The following SMC5 variants were observed in gnomAD, a reference collection of about 807,000 sequenced individuals.
SMC5 encodes the protein structural maintenance of chromosomes 5, also known as structural maintenance of chromosomes protein 5.
Under a neutral mutation model 148.3 loss-of-function variants are expected in SMC5, and 88 were observed. The ratio of observed to expected loss-of-function variants is 0.59; its 90% CI spans 0.50 to 0.71. The LOEUF is 0.71. SMC5 is among the 30% of genes least tolerant of loss of function. The pLI, the probability that SMC5 is intolerant of heterozygous loss-of-function variation, is 0.00. For synonymous variants in SMC5, 421 were observed against 432.8 expected, an observed-to-expected ratio of 0.97 and a Z score of 0.34; for missense variants, 1,142 against 1,298.9, an observed-to-expected ratio of 0.88 and a Z score of 1.86.
intron 17 of SMC5, among the ~76,000 whole-genome samples, chr9:70,338,904 C>A (rs757552157): frequency 3.0e-4 from 45 of 152,002 alleles, no homozygotes; most frequent in Non-Finnish European, 5.3e-4. Flanking sequence ...ACCTATAGTT[C>A]CAACTACTTT....
intron 1 of SMC5, among the ~76,000 whole-genome samples, chr9:70,260,359 G>A (rs763074658): frequency 5.9e-5 from 9 of 151,912 alleles, no homozygotes; most frequent in Non-Finnish European, 8.8e-5. Context: ...TGCCCGCCTC[G>A]GCCTCCCGTA....
At chr9:70,302,605 G>A (rs558610617) in intron 10 of SMC5, among the ~76,000 whole-genome samples, 67 of 152,188 alleles carry the variant, frequency 4.4e-4, no homozygotes, top group South Asian at 1.7e-3. Flanking sequence ...GGGATGTGGA[G>A]GTTGCAGTTA....
At chr9:70,263,188 T>C (rs1048665294) in intron 1 of SMC5, among the ~76,000 whole-genome samples, 2 of 152,194 alleles carry the variant, frequency 1.3e-5, no homozygotes, top group South Asian at 2.1e-4. Flanking sequence ...TTCCTACATG[T>C]CTGAAGTTCC....
At chr9:70,267,338 C>T (rs1191018472) in intron 2 of SMC5, among the ~76,000 whole-genome samples, 1 of 152,098 alleles carries the variant, frequency 6.6e-6, no homozygotes, top group East Asian at 1.9e-4. Flanking sequence ...GACTTAGACT[C>T]ATAAGCATAT....
At chr9:70,317,965 G>GGTAT (rs58704591) in intron 13 of SMC5, among the ~76,000 whole-genome samples, 13,678 of 152,100 alleles carry the variant, frequency 0.09, 907 homozygotes, top group African/African-American at 0.19. Flanking sequence ...CTTCTCTCCT[G>GGTAT]CTATCTCTTC....
rs1200775147 is a variant in SMC5, at chr9:70,259,043, G to A, written c.-36G>A. 1.3e-6 allele frequency: 2 copies of A among 1,570,370 alleles called. No homozygotes were observed. The highest frequency in any genetic ancestry group is 1.7e-6 in the Non-Finnish European group (2 of 1,156,664). ...GGGCGCCTGGGCTGCCGGACGGTGG[G>A]AACGGAAGTCGCTGTGGGACGCTGA... On this transcript the variant is annotated 5_prime_UTR_variant, in exon 1 of 25. Coordinates refer to ENST00000361138, the MANE Select transcript of SMC5 (RefSeq NM_015110.4).
intron 6 of SMC5, 119 bp from the exon 7 acceptor site, chr9:70,282,303 C>A (rs1386246506): frequency 2.0e-6 from 2 of 1,015,048 alleles, no homozygotes; most frequent in Non-Finnish European, 2.8e-6. Flanking sequence ...CATTAATAAA[C>A]CTGTTTTGAT....
intron 6 of SMC5, among the ~76,000 whole-genome samples, chr9:70,281,878 A>G (rs1371398531): frequency 6.7e-6 from 1 of 149,282 alleles, no homozygotes; most frequent in Admixed American, 6.7e-5. Flanking sequence ...ATGTACTTAT[A>G]TGTTTATTTT....
intron 17 of SMC5, among the ~76,000 whole-genome samples, chr9:70,332,823 C>T (rs907473904): frequency 5.9e-5 from 9 of 151,286 alleles, no homozygotes; most frequent in African/African-American, 7.3e-5. Flanking sequence ...ATTAACAGAC[C>T]GAAACTGAAA....
At chr9:70,289,626 C>A (rs1554691541) in intron 8 of SMC5, among the ~76,000 whole-genome samples, 1 of 151,880 alleles carries the variant, frequency 6.6e-6, no homozygotes, top group Non-Finnish European at 1.5e-5. Flanking sequence ...GATTCCTCCT[C>A]TCTTTCTATT....
rs531374821 is a variant in SMC5, at chr9:70,341,953, G to A, written c.2398-2191G>A. Among the ~76,000 whole-genome samples the A allele has an allele frequency of 3.6e-3, 544 of 149,138 alleles. 3 individuals carry two copies. The highest frequency in any genetic ancestry group is 0.013 in the African/African-American group (503 of 40,210). On this transcript the variant is annotated intron_variant, in intron 17 of 24. Transcript: ENST00000361138. The stretch of plus-strand genomic sequence containing the variant: ...ACACATGCACACGTATATTTATTGC[G>A]GCACTATTCACAATAGCAAAGACTT...
intron 6 of SMC5, 30 bp from the exon 7 acceptor site, chr9:70,282,392 T>A (rs768391953): frequency 6.4e-7 from 1 of 1,566,666 alleles, no homozygotes; most frequent in Admixed American, 2.0e-5. Context: ...AGGTAGGGCA[T>A]TAACTTCTGT....
chr9:70,267,447 G>A (rs1197645347), intron 2 of SMC5, among the ~76,000 whole-genome samples: 1 of 152,054 alleles, frequency 6.6e-6, no homozygotes, highest in Non-Finnish European at 1.5e-5. Context: ...TAACAGGATA[G>A]GTAATATTAG....
chr9:70,307,316 G>C (rs2035530874), intron 11 of SMC5, among the ~76,000 whole-genome samples: 1 of 152,056 alleles, frequency 6.6e-6, no homozygotes, highest in African/African-American at 2.4e-5. Context: ...TGAGATTGCA[G>C]ATATTCTGTT....
At chr9:70,287,465 A>G (rs2034937099) in intron 8 of SMC5, among the ~76,000 whole-genome samples, 1 of 152,144 alleles carries the variant, frequency 6.6e-6, no homozygotes, top group Non-Finnish European at 1.5e-5. Flanking sequence ...CTCTTTTGCT[A>G]ACAGATGCCC....
intron 24 of SMC5, 46 bp from the exon 25 acceptor site, chr9:70,352,145 C>G: frequency 6.7e-7 from 1 of 1,499,328 alleles, no homozygotes; most frequent in Non-Finnish European, 9.0e-7. Flanking sequence ...GAAAACTATA[C>G]TTCTCAGTAT....
intron 10 of SMC5, among the ~76,000 whole-genome samples, chr9:70,302,229 G>A (rs2035377836): frequency 6.6e-6 from 1 of 152,048 alleles, no homozygotes; most frequent in Non-Finnish European, 1.5e-5. Context: ...GGTTGGGCAC[G>A]GTGGCTCATG....
Position 70,287,109 on chromosome 9 carries a change from C to A in SMC5, c.1053+838C>A, listed in dbSNP as rs11142349. On this transcript the variant is annotated intron_variant, in intron 8 of 24. Transcript: ENST00000361138. ...CAATTTCTAGAAATGAAGACACTTA[C>A]ATTGTAAAACTTTAGCCTACTGCAG... Among the ~76,000 whole-genome samples the A allele has an allele frequency of 8.4e-4, 128 of 152,228 alleles. No individual in the cohort carries two copies. The East Asian group carries it at 0.023, about 27-fold the overall frequency.
At chr9:70,302,535 G>T (rs989583898) in intron 10 of SMC5, among the ~76,000 whole-genome samples, 2 of 151,668 alleles carry the variant, frequency 1.3e-5, no homozygotes, top group African/African-American at 4.8e-5. Flanking sequence ...GCTGGGCATC[G>T]TGGCATGTGC....
Sources: allele counts gnomAD v4.1 joint callset (sites outside exome capture counted in the v4.1 genomes callset), GRCh38; gene constraint gnomAD v4.1.1; transcripts MANE v1.5; gene names NCBI Gene and HGNC (gene_info 2026-07-23, HGNC 2026-07-21).